SARNP: variants seen among roughly 807,000 people sequenced by gnomAD.
SARNP encodes SAP domain containing ribonucleoprotein.
A neutral mutation model predicts 38.1 loss-of-function variants in SARNP; 5 were observed. The ratio of observed to expected loss-of-function variants is 0.13; its 90% confidence interval spans 0.07 to 0.28. SARNP has a LOEUF of 0.28. Ranked by LOEUF, SARNP falls within the 10% of genes least tolerant of loss-of-function variation. SARNP has a pLI of 1.00. For missense variants in SARNP, 180 were observed against 243.9 expected, an observed-to-expected ratio of 0.74 and a Z score of 1.75; for synonymous variants, 84 against 80.6, an observed-to-expected ratio of 1.04 and a Z score of -0.23.
chr12:55,787,231 CA>C lies in SARNP; in HGVS notation c.501+1843del, dbSNP rs1217082763. ...TGGGTGTCAGAGTGAGAACTTGTCTCAAAAAAGACTAAAAAAAAAAAAAAAA... is the reference window on the plus strand; with the variant it reads ...TGGGTGTCAGAGTGAGAACTTGTCTCAAAAAGACTAAAAAAAAAAAAAAAA... On this transcript the variant is annotated intron_variant, in intron 9 of 10. Coordinates refer to ENST00000336133, the MANE Select transcript of SARNP (RefSeq NM_033082.4). 4.5e-5 allele frequency among the ~76,000 whole-genome samples: 4 copies of C among 88,986 alleles called. No homozygotes were observed. The African/African-American group carries it at 5.0e-4, about 11-fold the overall frequency. The allele number at this position is 88,986 out of a possible 152,430, so 58.4% of individuals were successfully genotyped here. A position where few individuals can be genotyped will look rare whatever the true frequency, so the allele number is the denominator to read the frequency against.
intron 1 of SARNP, among the ~76,000 whole-genome samples, chr12:55,817,297 G>A (rs1481970982): frequency 6.6e-6 from 1 of 152,170 alleles, no homozygotes; most frequent in East Asian, 1.9e-4. Context: ...CATCATCCCA[G>A]GGAAGAAAAA....
chr12:55,785,031 G>GT (rs1248304104), intron 9 of SARNP, among the ~76,000 whole-genome samples: 1 of 152,112 alleles, frequency 6.6e-6, no homozygotes, highest in Admixed American at 6.5e-5. Context: ...GTGTGTAAAG[G>GT]TCCAGAAATT....
At chr12:55,802,654 C>T (rs1410117818) in intron 2 of SARNP, among the ~76,000 whole-genome samples, 1 of 151,078 alleles carries the variant, frequency 6.6e-6, no homozygotes, top group Non-Finnish European at 1.5e-5. Context: ...TTCCAAAATC[C>T]GAAAAAACTA....
At chr12:55,766,619 G>T (rs1311891970) in intron 9 of SARNP, among the ~76,000 whole-genome samples, 2 of 88,134 alleles carry the variant, frequency 2.3e-5, no homozygotes, top group Admixed American at 1.1e-4. Context: ...TTTTTGGCGG[G>T]GGGGGGGGGG....
At chr12:55,791,478 T>C (rs1304500073) in intron 7 of SARNP, among the ~76,000 whole-genome samples, 2 of 152,172 alleles carry the variant, frequency 1.3e-5, no homozygotes, top group Non-Finnish European at 2.9e-5. Flanking sequence ...GTGGATCACC[T>C]GAGGTCAGGA....
chr12:55,754,921 G>A (rs1193918240), downstream of SARNP: 2 of 152,134 alleles, frequency 1.3e-5, no homozygotes, highest in East Asian at 3.8e-4. Flanking sequence ...AAGTGATCCG[G>A]GAGGTAGAAA....
chr12:55,760,741 C>G (rs1878649891), intron 9 of SARNP, 101 bp from the exon 10 acceptor site: 2 of 767,118 alleles, frequency 2.6e-6, no homozygotes, highest in African/African-American at 1.7e-5. Context: ...GCTAACCAAC[C>G]CTGTGCCAAG....
At chr12:55,758,879 C>G (rs1008313457) in intron 10 of SARNP, among the ~76,000 whole-genome samples, 2 of 151,524 alleles carry the variant, frequency 1.3e-5, no homozygotes, top group African/African-American at 2.4e-5. Flanking sequence ...TTCTCCTTTA[C>G]AGCAATGCAA....
intron 9 of SARNP, among the ~76,000 whole-genome samples, chr12:55,768,664 G>A (rs574761594): frequency 6.6e-6 from 1 of 151,860 alleles, no homozygotes; most frequent in East Asian, 1.9e-4. Context: ...CTGACCTCAG[G>A]CGATCCACCC....
rs561488574 is a variant in SARNP, at chr12:55,811,998, T to C, written c.36+5668A>G. On this transcript the variant is annotated intron_variant, in intron 1 of 10. Coordinates refer to ENST00000336133, the MANE Select transcript of SARNP (RefSeq NM_033082.4). Reference sequence around the variant, plus strand: ...CTCAACAAAGTAACAGAGTGATCTTTTGAAAATTTAAGTCAGAACATGTCA... The same window carrying C: ...CTCAACAAAGTAACAGAGTGATCTTCTGAAAATTTAAGTCAGAACATGTCA... Among the ~76,000 whole-genome samples the C allele has an allele frequency of 2.0e-5, 3 of 152,308 alleles. No individual in the cohort carries two copies. In the East Asian group the frequency reaches 5.8e-4, roughly 29 times the overall value.
At chr12:55,813,273 G>A (rs576637150) in intron 1 of SARNP, among the ~76,000 whole-genome samples, 1 of 152,150 alleles carries the variant, frequency 6.6e-6, no homozygotes, top group East Asian at 1.9e-4. Context: ...GAACACACAG[G>A]GTCTTATGAA....
At chr12:55,794,112 T>C (rs960053307) in intron 7 of SARNP, 8 of 487,416 alleles carry the variant, frequency 1.6e-5, no homozygotes, top group African/African-American at 1.4e-4. Flanking sequence ...AGAAACTTCT[T>C]TGAAGATGTT....
chr12:55,770,328 C>A (rs974790787), intron 9 of SARNP, among the ~76,000 whole-genome samples: 2 of 151,402 alleles, frequency 1.3e-5, no homozygotes, highest in African/African-American at 2.4e-5. Context: ...TGGGTTCAGG[C>A]CATTCTCCTG....
intron 1 of SARNP, 102 bp downstream of exon 1, chr12:55,817,564 T>G (rs1592588649): frequency 9.2e-7 from 1 of 1,086,534 alleles, no homozygotes; most frequent in Non-Finnish European, 1.3e-6. Flanking sequence ...AGAAACGAAG[T>G]GGAAAAGGCT....
chr12:55,790,429 G>T, intron 8 of SARNP, 138 bp downstream of exon 8: 1 of 939,182 alleles, frequency 1.1e-6, no homozygotes, highest in South Asian at 1.9e-5. Flanking sequence ...TTAAATTCAA[G>T]ACATACAACA....
At chr12:55,768,250 C>CA (rs1240853709) in intron 9 of SARNP, among the ~76,000 whole-genome samples, 1 of 150,438 alleles carries the variant, frequency 6.6e-6, no homozygotes, top group African/African-American at 2.4e-5. Context: ...CCCAGCCTCC[C>CA]AAGTAGCTGG....
chr12:55,758,439 G>A (rs1878578813), intron 10 of SARNP, among the ~76,000 whole-genome samples: 1 of 152,176 alleles, frequency 6.6e-6, no homozygotes, highest in Non-Finnish European at 1.5e-5. Flanking sequence ...GAGGTCAGGA[G>A]TTCAAGACCA....
downstream of SARNP, chr12:55,753,935 G>A (rs1878421689): frequency 6.6e-6 from 1 of 152,156 alleles, no homozygotes; most frequent in Admixed American, 6.5e-5. Flanking sequence ...TCCAAGCTGA[G>A]CAACACAGTA....
Position 55,777,740 on chromosome 12 carries a change from A to G in SARNP, c.501+11335T>C, listed in dbSNP as rs955212790. Among the ~76,000 whole-genome samples, 8 of 152,148 alleles carry G rather than the reference A, an allele frequency of 5.3e-5. No homozygotes were observed. In the South Asian group the frequency reaches 1.2e-3, roughly 24 times the overall value. ...CTCTTGTCCAATTTTTTCCTCATAC[A>G]CTGGCTACGTAAAAAGTATGTGTTG... On this transcript the variant is annotated intron_variant, in intron 9 of 10. Transcript: ENST00000336133.
Sources: gnomAD v4.1 joint callset for allele counts (sites outside exome capture counted in the v4.1 genomes callset) on GRCh38, gnomAD v4.1.1 for gene constraint, MANE v1.5 for transcripts, NCBI Gene and HGNC (gene_info 2026-07-23, HGNC 2026-07-21) for gene names.